Variants in UBXN11 observed in about 807,000 individuals in gnomAD.
The protein encoded by UBXN11 is UBX domain protein 11, also known as UBX domain-containing protein 11.
In UBXN11, 47 loss-of-function variants were observed where a neutral mutation model predicts 62.8. The ratio of observed to expected loss-of-function variants is 0.75; its 90% CI spans 0.59 to 0.95. The LOEUF is 0.95. Ranked by LOEUF, UBXN11 falls within the 40% of genes least tolerant of loss-of-function variation. The pLI is 0.00. For missense variants in UBXN11, 638 were observed against 661.7 expected (o/e 0.96, Z 0.39); for synonymous variants, 294 against 267.0 (o/e 1.10, Z -0.99).
At chr1:26,303,074 T>C in intron 1 of UBXN11, 156 bp from the exon 2 acceptor site, 1 of 534,050 alleles carries the variant, frequency 1.9e-6, no homozygotes, top group Non-Finnish European at 3.4e-6. Flanking sequence ...CCACAGAGGT[T>C]TCTGGAAGTT....
upstream of UBXN11, among the ~76,000 whole-genome samples, chr1:26,309,302 G>A (rs948087595): frequency 3.6e-5 from 5 of 139,878 alleles, no homozygotes; most frequent in Non-Finnish European, 7.6e-5. Flanking sequence ...GTGCAGTGGT[G>A]TGATCTCAGC....
At chr1:26,282,830 C>G in intron 13 of UBXN11, 34 bp downstream of exon 13, 1 of 1,613,246 alleles carries the variant, frequency 6.2e-7, no homozygotes, top group Non-Finnish European at 8.5e-7. Context: ...TGACCCAACG[C>G]CCCCAGGCCC....
At chr1:26,297,912 C>T (rs943929342) in intron 5 of UBXN11, 50 bp downstream of exon 5, 1 of 1,589,924 alleles carries the variant, frequency 6.3e-7, no homozygotes, top group East Asian at 2.3e-5. Flanking sequence ...CCAGCCCAGT[C>T]CCTCCACCTC....
intron 1 of UBXN11, among the ~76,000 whole-genome samples, chr1:26,315,539 C>T (rs1338014900): frequency 6.6e-6 from 1 of 152,224 alleles, no homozygotes; most frequent in Admixed American, 6.5e-5. Flanking sequence ...GGTGAAAGGG[C>T]AGGGATGGGG....
At chr1:26,284,735 C>T in intron 10 of UBXN11, 1 of 1,264,978 alleles carries the variant, frequency 7.9e-7, no homozygotes. Flanking sequence ...GGAGACCCCC[C>T]TCTCAGGAGC....
At chr1:26,297,227 C>T (rs374862897) in intron 6 of UBXN11, among the ~76,000 whole-genome samples, 200 bp downstream of exon 6, 1 of 152,170 alleles carries the variant, frequency 6.6e-6, no homozygotes, top group Non-Finnish European at 1.5e-5. Flanking sequence ...GGGACTCGGT[C>T]CCATGTAGGA....
chr1:26,308,726 T>A (rs2073708514), upstream of UBXN11, among the ~76,000 whole-genome samples: 1 of 152,114 alleles, frequency 6.6e-6, no homozygotes. Context: ...GGAGCTCTGG[T>A]CTCATGAGCC....
At position 26,285,561 on chromosome 1, in the gene UBXN11, G is replaced by A. The variant is rs768327510; in HGVS notation, c.775-20C>T. 3.2e-6 allele frequency: 5 copies of A among 1,549,628 alleles called. No individual in the cohort carries two copies. In the Admixed American group the frequency reaches 9.4e-5, roughly 29 times the overall value. On this transcript the variant is annotated intron_variant, in intron 9 of 14. Coordinates refer to ENST00000374222, the MANE Select transcript of UBXN11 (RefSeq NM_001389556.1). ...GCAGCGCTGCAAGGGAAGAGGAAAA[G>A]TGAGGGGGTGGCCTGGGCCTTGGGC...
At chr1:26,305,346 G>A (rs1211516481) in intron 1 of UBXN11, among the ~76,000 whole-genome samples, 1 of 152,152 alleles carries the variant, frequency 6.6e-6, no homozygotes, top group African/African-American at 2.4e-5. Flanking sequence ...AAACAGCTTT[G>A]AGATATAATT....
intron 8 of UBXN11, among the ~76,000 whole-genome samples, chr1:26,292,989 T>C (rs1036824693): frequency 2.0e-5 from 3 of 152,144 alleles, no homozygotes; most frequent in Non-Finnish European, 4.4e-5. Context: ...AGGATTCTCA[T>C]GTTTGGAATC....
upstream of UBXN11, chr1:26,306,640 C>G (rs2073675339): frequency 6.6e-6 from 1 of 152,314 alleles, no homozygotes; most frequent in African/African-American, 2.4e-5. Flanking sequence ...TGTTGTCACG[C>G]GGTTTCCTAG....
intron 7 of UBXN11, among the ~76,000 whole-genome samples, chr1:26,294,573 C>G (rs552318569): frequency 6.6e-6 from 1 of 152,332 alleles, no homozygotes; most frequent in South Asian, 2.1e-4. Context: ...GCCACATAAG[C>G]TTGTGAGGAG....
intron 4 of UBXN11, among the ~76,000 whole-genome samples, chr1:26,298,980 T>C (rs888670644): frequency 6.6e-6 from 1 of 152,140 alleles, no homozygotes; most frequent in Non-Finnish European, 1.5e-5. Context: ...GAGCCCCTGA[T>C]GATGTCTTGG....
chr1:26,286,064 G>C (rs764108334), intron 8 of UBXN11, 27 bp from the exon 9 acceptor site: 1 of 1,567,086 alleles, frequency 6.4e-7, no homozygotes, highest in Non-Finnish European at 8.7e-7. Context: ...ACACCTGTGA[G>C]CCGCCTTTTG....
At chr1:26,284,761 A>T (rs1182057648) in intron 10 of UBXN11, 3 of 1,229,004 alleles carry the variant, frequency 2.4e-6, no homozygotes, top group Non-Finnish European at 3.1e-6. Flanking sequence ...GTGAAGGCAG[A>T]GTGTGAGGGG....
intron 1 of UBXN11, among the ~76,000 whole-genome samples, chr1:26,303,495 G>A (rs1200587208): frequency 6.6e-6 from 1 of 151,942 alleles, no homozygotes; most frequent in African/African-American, 2.4e-5. Context: ...GTGGTGGCGT[G>A]CTCCTGTAGT....
intron 8 of UBXN11, among the ~76,000 whole-genome samples, chr1:26,288,136 A>G (rs1432742750): frequency 2.6e-5 from 4 of 152,044 alleles, no homozygotes; most frequent in Non-Finnish European, 5.9e-5. Flanking sequence ...TTCTTTATAG[A>G]TGGGGAAAGT....
chr1:26,297,399 G>A (rs757010434), intron 6 of UBXN11, 28 bp downstream of exon 6: 129 of 1,512,142 alleles, frequency 8.5e-5, no homozygotes, highest in Non-Finnish European at 1.1e-4. Context: ...GACTGGGGGC[G>A]CAGGTCAGCC....
intron 4 of UBXN11, among the ~76,000 whole-genome samples, chr1:26,300,125 G>A (rs766050708): frequency 6.6e-6 from 1 of 152,108 alleles, no homozygotes; most frequent in Non-Finnish European, 1.5e-5. Flanking sequence ...TCCCTCCTCC[G>A]GTAAAATGGA....
Sources: allele counts gnomAD v4.1 joint callset (sites outside exome capture counted in the v4.1 genomes callset), GRCh38; gene constraint gnomAD v4.1.1; transcripts MANE v1.5; gene names NCBI Gene and HGNC (gene_info 2026-07-23, HGNC 2026-07-21).